CEP128: variants seen among roughly 807,000 people sequenced by gnomAD.
CEP128 encodes the protein centrosomal protein 128kDa.
A neutral mutation model predicts 156.7 loss-of-function variants in CEP128; 132 were observed. The observed-to-expected ratio is 0.84, with a 90% CI of 0.73 to 0.97. The LOEUF (loss-of-function observed/expected upper bound fraction) is 0.97, where lower values mean the gene tolerates loss of function less well. Ranked by LOEUF, CEP128 falls within the 50% of genes least tolerant of loss-of-function variation. The pLI, the probability that CEP128 is intolerant of heterozygous loss-of-function variation, is 0.00. For synonymous variants in CEP128, 469 were observed against 448.9 expected, an observed-to-expected ratio of 1.04 and a Z score of -0.57; for missense variants, 1,252 against 1,281.9, an observed-to-expected ratio of 0.98 and a Z score of 0.36.
At chr14:80,663,788 T>G (rs1486533572) in intron 19 of CEP128, among the ~76,000 whole-genome samples, 1 of 152,230 alleles carries the variant, frequency 6.6e-6, no homozygotes, top group African/African-American at 2.4e-5. Context: ...AGCCCAATTA[T>G]AATCACAGAT....
At chr14:80,917,889 TA>T (rs756593123) in intron 2 of CEP128, among the ~76,000 whole-genome samples, 6 of 152,210 alleles carry the variant, frequency 3.9e-5, no homozygotes, top group Non-Finnish European at 5.9e-5. Context: ...AGGTTTTTTT[TA>T]AATGAAATAC....
At chr14:80,781,959 A>C (rs906774943) in intron 15 of CEP128, among the ~76,000 whole-genome samples, 1 of 152,228 alleles carries the variant, frequency 6.6e-6, no homozygotes, top group African/African-American at 2.4e-5. Context: ...ACTAGTGAGA[A>C]GGAAGGTTCT....
At chr14:80,482,274 T>C (rs900812547) in intron 14 of CEP128, among the ~76,000 whole-genome samples, 1 of 152,246 alleles carries the variant, frequency 6.6e-6, no homozygotes, top group African/African-American at 2.4e-5. Context: ...GTTTAGTACG[T>C]TGGATAACTT....
At chr14:80,923,352 C>T (rs1017704400) in intron 2 of CEP128, among the ~76,000 whole-genome samples, 10 of 152,140 alleles carry the variant, frequency 6.6e-5, no homozygotes, top group African/African-American at 2.4e-4. Context: ...AGAGGATTGG[C>T]AATGAGCCTT....
At chr14:80,600,738 AT>A (rs147908822) in intron 19 of CEP128, among the ~76,000 whole-genome samples, 4 of 152,090 alleles carry the variant, frequency 2.6e-5, no homozygotes, top group Admixed American at 6.6e-5. Flanking sequence ...ACAAAAATGT[AT>A]TTTTTTCTTT....
chr14:80,511,636 G>C (rs569865807), intron 23 of CEP128, among the ~76,000 whole-genome samples: 11 of 150,410 alleles, frequency 7.3e-5, no homozygotes, highest in African/African-American at 2.7e-4. Flanking sequence ...TACTAATTTT[G>C]AGTTTAGTTT....
intron 24 of CEP128, among the ~76,000 whole-genome samples, chr14:80,500,633 T>C (rs2371292): frequency 0.81 from 123,120 of 152,154 alleles, 51,301 homozygotes; most frequent in Middle Eastern, 0.91. Flanking sequence ...CCTACCTCTC[T>C]GAATTCCACA....
At chr14:80,664,366 G>C (rs527932546) in intron 19 of CEP128, among the ~76,000 whole-genome samples, 1 of 152,208 alleles carries the variant, frequency 6.6e-6, no homozygotes, top group South Asian at 2.1e-4. Context: ...CAGTGCATCA[G>C]AGAGTTTAGC....
rs560584613 is a variant in CEP128 at position 80,725,414 on chromosome 14, C to T, written c.2806+17661G>A. ...GCCAGGCCGGTCTCGAACTCCTGAC[C>T]TCAAGTGATCTGCCCGCCTCAGCCT... On this transcript the variant is annotated intron_variant, in intron 19 of 24. Coordinates refer to ENST00000555265, the MANE Select transcript of CEP128 (RefSeq NM_152446.5). 1.9e-3 allele frequency among the ~76,000 whole-genome samples: 296 copies of T among 152,062 alleles called. 1 individual carries two copies. The highest frequency in any genetic ancestry group is 6.8e-3 in the African/African-American group (282 of 41,472).
chr14:80,478,589 A>G (rs1265142146), intron 14 of CEP128, among the ~76,000 whole-genome samples: 1 of 152,182 alleles, frequency 6.6e-6, no homozygotes, highest in Non-Finnish European at 1.5e-5. Context: ...ACTCAATCCC[A>G]CTGTCCTGCA....
chr14:80,742,406 G>T (rs1389163343), intron 19 of CEP128, among the ~76,000 whole-genome samples: 1 of 151,812 alleles, frequency 6.6e-6, no homozygotes, highest in Admixed American at 6.6e-5. Context: ...TGCATTTGTT[G>T]CCTGTTTTCC....
rs578251657 is a variant in CEP128, at chr14:80,515,083, A to G, written c.3073-10063T>C. Among the ~76,000 whole-genome samples the G allele has an allele frequency of 1.4e-4, 21 of 152,282 alleles. No individual in the cohort carries two copies. In the South Asian group the frequency reaches 4.3e-3, roughly 32 times the overall value. Reference sequence around the variant, plus strand: ...TCTTCCCCTAATTTCTGCCAAATGAATGAAATCTCTCTCTCCATGACAAGC... The same window carrying G: ...TCTTCCCCTAATTTCTGCCAAATGAGTGAAATCTCTCTCTCCATGACAAGC... On this transcript the variant is annotated intron_variant, in intron 23 of 24. Transcript: ENST00000555265.
At chr14:80,792,671 G>C in intron 14 of CEP128, 89 bp downstream of exon 14, 3 of 975,626 alleles carry the variant, frequency 3.1e-6, no homozygotes, top group Non-Finnish European at 4.8e-6. Context: ...TATATGTACA[G>C]TATGGCACTC....
At chr14:80,624,054 T>C (rs1893604556) in intron 19 of CEP128, among the ~76,000 whole-genome samples, 1 of 152,190 alleles carries the variant, frequency 6.6e-6, no homozygotes, top group African/African-American at 2.4e-5. Context: ...GCTTTGTCTG[T>C]TAACCAACCT....
intron 19 of CEP128, among the ~76,000 whole-genome samples, chr14:80,641,100 C>T (rs1388245535): frequency 6.6e-6 from 1 of 152,176 alleles, no homozygotes; most frequent in Non-Finnish European, 1.5e-5. Flanking sequence ...TGTAGACCCT[C>T]TCCGAGGACC....
At chr14:80,494,794 TTTTA>T (rs1887437033), downstream of CEP128, among the ~76,000 whole-genome samples, 7 of 152,192 alleles carry the variant, frequency 4.6e-5, no homozygotes, top group African/African-American at 1.7e-4. Flanking sequence ...AAGCTATAGA[TTTTA>T]GCTCTTTATT....
chr14:80,678,056 A>ATATATATATACATATG (rs1896155208), intron 19 of CEP128, among the ~76,000 whole-genome samples: 2 of 56,800 alleles, frequency 3.5e-5, no homozygotes, highest in African/African-American at 6.8e-5. Context: ...AAAAATATAT[A>ATATATATATACATATG]TATATATGTA....
chr14:80,596,113 G>A (rs371797639), intron 19 of CEP128, among the ~76,000 whole-genome samples: 5 of 147,306 alleles, frequency 3.4e-5, no homozygotes, highest in African/African-American at 9.9e-5. Flanking sequence ...CAGAAAAAAA[G>A]GCAGACTTAA....
chr14:80,784,742 C>T (rs1026395205), intron 15 of CEP128, among the ~76,000 whole-genome samples, 153 bp downstream of exon 15: 3 of 152,126 alleles, frequency 2.0e-5, no homozygotes, highest in Admixed American at 6.5e-5. Context: ...TCAACCTGGC[C>T]GAACAGGCAT....
Sources: allele counts gnomAD v4.1 joint callset (sites outside exome capture counted in the v4.1 genomes callset), GRCh38; gene constraint gnomAD v4.1.1; transcripts MANE v1.5; gene names NCBI Gene and HGNC (gene_info 2026-07-23, HGNC 2026-07-21).